ARFGEF2: variants seen among roughly 807,000 people sequenced by gnomAD.
The protein encoded by ARFGEF2 is brefeldin A-inhibited guanine nucleotide-exchange protein 2.
In ARFGEF2, 74 loss-of-function variants were observed where a neutral mutation model predicts 219.9. The observed-to-expected ratio is 0.34, with a 90% CI of 0.28 to 0.41. ARFGEF2 has a LOEUF of 0.41. ARFGEF2 is among the 10% of genes least tolerant of loss of function. ARFGEF2 has a pLI of 1.00. For synonymous variants in ARFGEF2, 733 were observed against 799.2 expected, an observed-to-expected ratio of 0.92 and a Z score of 1.40; for missense variants, 1,743 against 2,218.3, an observed-to-expected ratio of 0.79 and a Z score of 4.30.
At chr20:49,010,546 C>T (rs555631252) in intron 27 of ARFGEF2, 142 bp downstream of exon 27, 13 of 940,726 alleles carry the variant, frequency 1.4e-5, no homozygotes, top group South Asian at 2.8e-5. Flanking sequence ...GTGTTGTAAG[C>T]GCTTGATGAG....
At chr20:48,926,704 T>C (rs1253814092) in intron 1 of ARFGEF2, among the ~76,000 whole-genome samples, 1 of 152,132 alleles carries the variant, frequency 6.6e-6, no homozygotes, top group African/African-American at 2.4e-5. Context: ...ATGATATCTC[T>C]TCATCAGCAG....
In ARFGEF2 at chr20:49,013,622, T is replaced by G. The variant is rs1263411905; in HGVS notation, c.3977T>G (p.Val1326Gly). The G allele has an allele frequency of 6.2e-7, 1 of 1,614,158 alleles. No individual in the cohort carries two copies. The highest frequency in any genetic ancestry group is 1.1e-5 in the South Asian group (1 of 91,084). The change falls in exon 29 of 39, where the codon GTC becomes GGC. Residue 1326 changes from valine to glycine, a missense_variant. Val to Gly is a moderately radical substitution (Grantham distance 109). Transcript: ENST00000371917. Reference protein sequence around the residue: ...MNVAPGDRVWVRGWFPILFEL... With the variant: ...MNVAPGDRVWGRGWFPILFEL... ...GTAGCTCCTGGTGACAGAGTCTGGG[T>G]CCGAGGCTGGTTCCCCATCTTATTC... is the stretch of plus-strand genomic sequence containing the variant.
intron 34 of ARFGEF2, 139 bp from the exon 35 acceptor site, chr20:49,022,912 C>G: frequency 8.5e-7 from 1 of 1,180,424 alleles, no homozygotes; most frequent in African/African-American, 1.5e-5. Context: ...ACCAGGAGTT[C>G]AGGACCAGCC....
At chr20:49,011,075 A>G (rs774687593) in intron 27 of ARFGEF2, among the ~76,000 whole-genome samples, 1 of 152,236 alleles carries the variant, frequency 6.6e-6, no homozygotes, top group East Asian at 1.9e-4. Context: ...CTACGTGCAG[A>G]AAGGCTGTGA....
chr20:48,958,162 A>G (rs2091116560), intron 6 of ARFGEF2, among the ~76,000 whole-genome samples: 1 of 152,230 alleles, frequency 6.6e-6, no homozygotes, highest in Non-Finnish European at 1.5e-5. Flanking sequence ...AAATGTCTTC[A>G]CACAAGCACC....
intron 1 of ARFGEF2, among the ~76,000 whole-genome samples, chr20:48,935,139 A>AG (rs1319509713): frequency 2.7e-5 from 4 of 150,306 alleles, no homozygotes; most frequent in Non-Finnish European, 5.9e-5. Context: ...TGTTTCTCGC[A>AG]GGGGGGGATT....
intron 4 of ARFGEF2, 67 bp from the exon 5 acceptor site, chr20:48,952,638 G>A (rs535844708): frequency 2.6e-4 from 381 of 1,490,254 alleles, no homozygotes; most frequent in Non-Finnish European, 3.4e-4. Context: ...CTAGAAAAGT[G>A]TGGCCATAGG....
chr20:48,953,853 A>G (rs1187213596), intron 6 of ARFGEF2, 63 bp downstream of exon 6: 5 of 1,462,622 alleles, frequency 3.4e-6, no homozygotes, highest in African/African-American at 1.4e-5. Flanking sequence ...TGTGAGGGGC[A>G]GAAGAAGTGT....
At chr20:48,995,588 T>A (rs907856561) in intron 22 of ARFGEF2, among the ~76,000 whole-genome samples, 195 bp from the exon 23 acceptor site, 7 of 152,206 alleles carry the variant, frequency 4.6e-5, no homozygotes, top group African/African-American at 1.4e-4. Flanking sequence ...AAGCTTATAC[T>A]AAGGATATAT....
intron 6 of ARFGEF2, among the ~76,000 whole-genome samples, chr20:48,961,100 T>TAATAATAATA (rs2123385522): frequency 6.7e-6 from 1 of 148,634 alleles, no homozygotes; most frequent in South Asian, 2.1e-4. Context: ...ATAATAATAA[T>TAATAATAATA]AATAATAATA....
intron 1 of ARFGEF2, among the ~76,000 whole-genome samples, chr20:48,922,314 T>G (rs150703994): frequency 6.4e-4 from 97 of 152,312 alleles, no homozygotes; most frequent in African/African-American, 2.2e-3. Flanking sequence ...CTCCAAGTCC[T>G]AGAAACAGTA....
chr20:48,952,922 A>G (rs2123355412), intron 5 of ARFGEF2, 38 bp downstream of exon 5: 4 of 1,605,618 alleles, frequency 2.5e-6, no homozygotes, highest in Non-Finnish European at 3.4e-6. Context: ...GCAAGACATC[A>G]TTGCTCTCTG....
chr20:48,985,314 G>C (rs1276688634), intron 15 of ARFGEF2, 94 bp from the exon 16 acceptor site: 1 of 1,355,160 alleles, frequency 7.4e-7, no homozygotes, highest in African/African-American at 1.4e-5. Flanking sequence ...GGCAGTTAGG[G>C]CCAGGCTATT....
intron 14 of ARFGEF2, among the ~76,000 whole-genome samples, chr20:48,980,857 A>G (rs1007733425): frequency 6.6e-6 from 1 of 151,854 alleles, no homozygotes; most frequent in Non-Finnish European, 1.5e-5. Context: ...CCATCCCTAT[A>G]TTTTGAGCCT....
chr20:48,965,021 C>G, intron 7 of ARFGEF2, among the ~76,000 whole-genome samples: 1 of 151,986 alleles, frequency 6.6e-6, no homozygotes, highest in Admixed American at 6.5e-5. Flanking sequence ...TTTTCTAAGC[C>G]CTATCTTTTT....
chr20:48,922,565 T>C (rs1366528431), intron 1 of ARFGEF2, among the ~76,000 whole-genome samples: 1 of 152,228 alleles, frequency 6.6e-6, no homozygotes, highest in African/African-American at 2.4e-5. Context: ...GACATCTGCT[T>C]ATTCCTAGCA....
chr20:48,997,235 T>C (rs2091396776), intron 23 of ARFGEF2, among the ~76,000 whole-genome samples: 1 of 151,770 alleles, frequency 6.6e-6, no homozygotes, highest in Non-Finnish European at 1.5e-5. Flanking sequence ...ATCATTTTAC[T>C]TCTGGTCATT....
In ARFGEF2 at chr20:48,983,695, C is replaced by G. The variant is rs1358358539; in HGVS notation, c.1959-1034C>G. ...TGCCTTGTGCTTGAAATTCTCTTGG[C>G]TTTTTTCCATCCCTCAGACTTGGTA... On this transcript the variant is annotated intron_variant, in intron 14 of 38. Coordinates refer to ENST00000371917, the MANE Select transcript of ARFGEF2 (RefSeq NM_006420.3). Among the ~76,000 whole-genome samples the G allele has an allele frequency of 2.6e-5, 4 of 152,134 alleles. No homozygotes were observed. The East Asian group carries it at 7.7e-4, about 29-fold the overall frequency.
At chr20:49,012,726 C>G (rs975599512) in intron 28 of ARFGEF2, among the ~76,000 whole-genome samples, 2 of 152,000 alleles carry the variant, frequency 1.3e-5, no homozygotes, top group Non-Finnish European at 2.9e-5. Flanking sequence ...ATAATGGGAG[C>G]CAATGTTGAT....
Sources: allele counts gnomAD v4.1 joint callset (sites outside exome capture counted in the v4.1 genomes callset), GRCh38; gene constraint gnomAD v4.1.1; transcripts MANE v1.5; gene names NCBI Gene and HGNC (gene_info 2026-07-23, HGNC 2026-07-21).